Variants in TNNT2 observed in about 807,000 individuals in gnomAD.
The protein encoded by TNNT2 is troponin T2, cardiac type.
In TNNT2, 34 loss-of-function variants were observed where a neutral mutation model predicts 62.4. That is an observed-to-expected ratio of 0.54 (90% confidence interval 0.41 to 0.72). The LOEUF (loss-of-function observed/expected upper bound fraction) is 0.72, where lower values mean the gene tolerates loss of function less well. Ranked by LOEUF, TNNT2 falls within the 30% of genes least tolerant of loss-of-function variation. The probability of loss-of-function intolerance (pLI) is 0.00; values close to 1 mark genes in which losing one functional copy is unlikely to be tolerated. For synonymous variants in TNNT2, 123 were observed against 127.2 expected (o/e 0.97, Z 0.22); for missense variants, 275 against 381.9 (o/e 0.72, Z 2.33).
chr1:201,377,636 C>A lies in TNNT2; in HGVS notation c.-28G>T, dbSNP rs1221064494. On this transcript the variant is annotated 5_prime_UTR_variant, in exon 1 of 17. Coordinates refer to ENST00000656932, the MANE Select transcript of TNNT2 (RefSeq NM_001276345.2). ...CCCGAGCCTTACCTCAGAACAGCAG[C>A]TGCCGACAGATCCTGGAGGCGTCTG... 1 of 456,336 alleles carries A rather than the reference C, an allele frequency of 2.2e-6. No homozygotes were observed. Among genetic ancestry groups the A allele is most frequent in the Non-Finnish European group, 4.4e-6 (1 of 226,980 alleles). The allele number at this position is 456,336 out of a possible 1,614,324, so 28.3% of individuals were successfully genotyped here. A position where few individuals can be genotyped will look rare whatever the true frequency, so the allele number is the denominator to read the frequency against.
At chr1:201,373,447 C>A in intron 1 of TNNT2, 179 bp from the exon 2 acceptor site, 1 of 657,134 alleles carries the variant, frequency 1.5e-6, no homozygotes. Flanking sequence ...GAGATAGTGA[C>A]ACCCACATGG....
intron 12 of TNNT2, chr1:201,363,090 CT>C (rs1658995728): frequency 1.0e-5 from 10 of 985,242 alleles, no homozygotes; most frequent in Non-Finnish European, 9.6e-6. Context: ...CTGTAGCCCC[CT>C]ACCCCAGCAA....
intron 13 of TNNT2, 174 bp downstream of exon 13, chr1:201,362,212 T>C: frequency 7.9e-7 from 1 of 1,258,164 alleles, no homozygotes; most frequent in Non-Finnish European, 1.1e-6. Context: ...GCAAGAAGGA[T>C]CACGTCAGTC....
At chr1:201,360,083 C>A (rs1658333834) in intron 15 of TNNT2, among the ~76,000 whole-genome samples, 2 of 152,198 alleles carry the variant, frequency 1.3e-5, no homozygotes. Flanking sequence ...CCCCATGCAC[C>A]ACCCCTGCAG....
intron 15 of TNNT2, chr1:201,360,935 TC>T: frequency 2.6e-6 from 1 of 389,668 alleles, no homozygotes; most frequent in Non-Finnish European, 4.9e-6. Flanking sequence ...TTGGCAGCAC[TC>T]CCCTTCCACT....
chr1:201,373,021 G>A, intron 2 of TNNT2, 193 bp downstream of exon 2: 3 of 721,558 alleles, frequency 4.2e-6, no homozygotes, highest in Admixed American at 1.9e-5. Flanking sequence ...CTCTCGGCCT[G>A]TGCTCTGCCT....
At chr1:201,363,647 G>A in intron 11 of TNNT2, 1 of 522,378 alleles carries the variant, frequency 1.9e-6, no homozygotes. Flanking sequence ...CCCTTAAGCT[G>A]GGAGTGCCCC....
chr1:201,373,346 C>A, intron 1 of TNNT2, 78 bp from the exon 2 acceptor site: 4 of 1,303,680 alleles, frequency 3.1e-6, no homozygotes, highest in Non-Finnish European at 4.4e-6. Context: ...CCCCGTTGTA[C>A]AGAGATCAGC....
intron 6 of TNNT2, 37 bp from the exon 7 acceptor site, chr1:201,367,843 T>C: frequency 6.2e-7 from 1 of 1,613,826 alleles, no homozygotes; most frequent in Non-Finnish European, 8.5e-7. Context: ...AGGTCCTTGT[T>C]CTGAGCTCAA....
intron 11 of TNNT2, 154 bp downstream of exon 11, chr1:201,364,144 A>G: frequency 2.5e-6 from 2 of 792,676 alleles, no homozygotes; most frequent in Admixed American, 4.5e-5. Flanking sequence ...TTGGCCTCCC[A>G]AAGTGCTGGG....
At chr1:201,364,978 T>C (rs1391868066) in intron 10 of TNNT2, among the ~76,000 whole-genome samples, 1 of 151,900 alleles carries the variant, frequency 6.6e-6, no homozygotes, top group Non-Finnish European at 1.5e-5. Flanking sequence ...TCAAGGAGCA[T>C]CCAGTAGGAT....
intron 8 of TNNT2, chr1:201,366,374 C>T: frequency 1.9e-6 from 2 of 1,053,548 alleles, no homozygotes; most frequent in Non-Finnish European, 2.3e-6. Context: ...CCCCCCCCAG[C>T]ACACACCACC....
intron 16 of TNNT2, 100 bp from the exon 17 acceptor site, chr1:201,359,355 G>T: frequency 6.9e-7 from 1 of 1,439,274 alleles, no homozygotes; most frequent in Non-Finnish European, 9.6e-7. Flanking sequence ...GAGAGGAGCA[G>T]GCTGGAGCTG....
At chr1:201,375,542 A>C (rs1661272150) in intron 1 of TNNT2, among the ~76,000 whole-genome samples, 1 of 152,196 alleles carries the variant, frequency 6.6e-6, no homozygotes, top group Non-Finnish European at 1.5e-5. Context: ...ATTCTGCTGA[A>C]AAAAAGACTC....
chr1:201,372,826 A>G (rs1660851425), intron 2 of TNNT2, among the ~76,000 whole-genome samples: 1 of 152,192 alleles, frequency 6.6e-6, no homozygotes, highest in Admixed American at 6.5e-5. Flanking sequence ...AGACAGGGTG[A>G]TAACACTGGG....
intron 1 of TNNT2, chr1:201,375,273 T>C: frequency 6.6e-6 from 1 of 152,454 alleles, no homozygotes; most frequent in Non-Finnish European, 1.5e-5. Flanking sequence ...ACTGCAGCCC[T>C]GGATTGATTG....
rs528860350 is a variant in TNNT2 at position 201,367,584 on chromosome 1, G to A, written c.199+187C>T. ...GGTGCCACCAATGCAACTTCTCTGGGAGAAGGGGCAAAGTTGAAAGCTCAA... is the reference window on the plus strand; with the variant it reads ...GGTGCCACCAATGCAACTTCTCTGGAAGAAGGGGCAAAGTTGAAAGCTCAA... On this transcript the variant is annotated intron_variant, in intron 7 of 16. Coordinates refer to ENST00000656932, the MANE Select transcript of TNNT2 (RefSeq NM_001276345.2). 1.8e-4 allele frequency: 126 copies of A among 710,160 alleles called. No homozygotes were observed. In the Middle Eastern group the frequency reaches 3.5e-3, roughly 20 times the overall value. 44.0% of individuals were successfully genotyped at this position (710,160 alleles called of 1,614,324 possible).
intron 4 of TNNT2, among the ~76,000 whole-genome samples, chr1:201,371,072 C>T (rs1012461089): frequency 2.0e-5 from 3 of 152,224 alleles, no homozygotes; most frequent in African/African-American, 7.2e-5. Flanking sequence ...GGAGGGTCCC[C>T]ATTTTCCCTA....
At position 201,368,145 on chromosome 1, in the gene TNNT2, C is replaced by T. The variant is rs763236220; in HGVS notation, c.163+17G>A. 5.6e-6 allele frequency: 9 copies of T among 1,614,062 alleles called. No homozygotes were observed. The highest frequency in any genetic ancestry group is 7.6e-6 in the Non-Finnish European group (9 of 1,179,960). ...CGCCACCCCCTGAGGCCCCTGCACC[C>T]TCAACCAGAGACTTACCTTCTGCCC... is the stretch of plus-strand genomic sequence containing the variant. On this transcript the variant is annotated intron_variant, in intron 6 of 16. Transcript: ENST00000656932.
Sources: allele counts gnomAD v4.1 joint callset (sites outside exome capture counted in the v4.1 genomes callset), GRCh38; gene constraint gnomAD v4.1.1; transcripts MANE v1.5; gene names NCBI Gene and HGNC (gene_info 2026-07-23, HGNC 2026-07-21).